The following MAPK14 variants were observed in gnomAD, a reference collection of about 807,000 sequenced individuals.
MAPK14 encodes the protein CSAID-binding protein.
MAPK14 carries 16 observed loss-of-function variants against 49.6 expected under a neutral mutation model. The ratio of observed to expected loss-of-function variants is 0.32; its 90% CI spans 0.22 to 0.49. The LOEUF (loss-of-function observed/expected upper bound fraction) is 0.49. MAPK14 is among the 20% of genes least tolerant of loss of function. The pLI is 0.99. For missense variants in MAPK14, 200 were observed against 441.2 expected, an observed-to-expected ratio of 0.45 and a Z score of 4.90; for synonymous variants, 142 against 158.0, an observed-to-expected ratio of 0.90 and a Z score of 0.76.
intron 1 of MAPK14, among the ~76,000 whole-genome samples, chr6:36,037,764 C>T (rs1762807461): frequency 6.6e-6 from 1 of 151,990 alleles, no homozygotes; most frequent in Non-Finnish European, 1.5e-5. Flanking sequence ...GGTAGGTTTC[C>T]TTGAGCCCAG....
chr6:36,081,702 A>G (rs1436496695), intron 8 of MAPK14, among the ~76,000 whole-genome samples: 1 of 152,204 alleles, frequency 6.6e-6, no homozygotes, highest in Non-Finnish European at 1.5e-5. Flanking sequence ...CTTCTTTTTC[A>G]AGATTGCTTT....
At chr6:36,099,980 G>C (rs1291650375) in intron 9 of MAPK14, among the ~76,000 whole-genome samples, 1 of 152,130 alleles carries the variant, frequency 6.6e-6, no homozygotes, top group Non-Finnish European at 1.5e-5. Flanking sequence ...TTTCTTATCT[G>C]CATGGCCAGT....
intron 3 of MAPK14, among the ~76,000 whole-genome samples, chr6:36,062,780 C>T (rs570064049): frequency 7.6e-4 from 115 of 151,750 alleles, no homozygotes; most frequent in Non-Finnish European, 1.3e-3. Context: ...ACCTCAGCCT[C>T]ACAAGTAGCT....
chr6:36,048,382 G>A (rs1210698950), intron 1 of MAPK14, among the ~76,000 whole-genome samples: 1 of 152,044 alleles, frequency 6.6e-6, no homozygotes, highest in East Asian at 1.9e-4. Context: ...TTGCTATGTT[G>A]CTCAGGCTGA....
chr6:36,032,685 G>T (rs998429680), intron 1 of MAPK14, among the ~76,000 whole-genome samples: 1 of 152,192 alleles, frequency 6.6e-6, no homozygotes, highest in Non-Finnish European at 1.5e-5. Flanking sequence ...CTAGGTTCTG[G>T]AAATAGAGTG....
chr6:36,112,207 A>G (rs1036131880), downstream of MAPK14, among the ~76,000 whole-genome samples: 1 of 120,522 alleles, frequency 8.3e-6, no homozygotes, highest in Non-Finnish European at 1.8e-5. Context: ...CTCCGTCTCA[A>G]AAAAAAAAAA....
chr6:36,104,155 C>G (rs1052115107), intron 10 of MAPK14, among the ~76,000 whole-genome samples: 1 of 152,162 alleles, frequency 6.6e-6, no homozygotes, highest in Non-Finnish European at 1.5e-5. Context: ...GCCTTGGAGA[C>G]AGAGAGTATG....
At chr6:36,068,777 G>T (rs1764159676) in intron 3 of MAPK14, among the ~76,000 whole-genome samples, 1 of 152,140 alleles carries the variant, frequency 6.6e-6, no homozygotes, top group Non-Finnish European at 1.5e-5. Flanking sequence ...TATTATCCAA[G>T]AAGTATAAAT....
chr6:36,064,916 C>G (rs1763984225), intron 3 of MAPK14, among the ~76,000 whole-genome samples: 1 of 152,200 alleles, frequency 6.6e-6, no homozygotes. Context: ...CTAACCTCAC[C>G]TAGTCCTCTT....
chr6:36,029,285 G>A (rs1354998923), intron 1 of MAPK14: 2 of 152,080 alleles, frequency 1.3e-5, no homozygotes, highest in African/African-American at 4.8e-5. Flanking sequence ...GTTTTCGTAA[G>A]GATATGGAAC....
chr6:36,059,891 C>T (rs576738644), intron 3 of MAPK14, among the ~76,000 whole-genome samples: 70 of 152,272 alleles, frequency 4.6e-4, no homozygotes, highest in African/African-American at 1.5e-3. Context: ...CCTCTTTTAT[C>T]GCCCATGCAT....
chr6:36,032,378 T>G (rs1762578157), intron 1 of MAPK14, among the ~76,000 whole-genome samples: 1 of 152,214 alleles, frequency 6.6e-6, no homozygotes, highest in South Asian at 2.1e-4. Context: ...AGGAACTTTA[T>G]GCATTGTCTG....
intron 8 of MAPK14, among the ~76,000 whole-genome samples, chr6:36,089,904 G>T (rs1315828596): frequency 6.6e-6 from 1 of 152,218 alleles, no homozygotes. Flanking sequence ...TTATAGCCCT[G>T]TTATGCATCA....
intron 1 of MAPK14, among the ~76,000 whole-genome samples, chr6:36,042,432 G>C (rs898157684): frequency 7.3e-5 from 11 of 150,600 alleles, no homozygotes; most frequent in Admixed American, 1.3e-4. Flanking sequence ...TTAGTTCCTT[G>C]AGGTCATAAA....
At chr6:36,114,610 C>A, downstream of MAPK14, among the ~76,000 whole-genome samples, 1 of 145,100 alleles carries the variant, frequency 6.9e-6, no homozygotes, top group Non-Finnish European at 1.5e-5. Context: ...AAGAGTGGAA[C>A]TCTGTTTAAA....
intron 8 of MAPK14, among the ~76,000 whole-genome samples, chr6:36,083,113 G>A (rs1435410746): frequency 1.3e-5 from 2 of 152,170 alleles, no homozygotes; most frequent in South Asian, 2.1e-4. Flanking sequence ...GAACGAAAAC[G>A]GTGAGTGAAT....
At chr6:36,106,732 T>G (rs1765808677) in intron 10 of MAPK14, among the ~76,000 whole-genome samples, 1 of 152,210 alleles carries the variant, frequency 6.6e-6, no homozygotes, top group East Asian at 1.9e-4. Context: ...TATCATAGTT[T>G]TTACTTTTCT....
intron 1 of MAPK14, among the ~76,000 whole-genome samples, chr6:36,038,545 C>T (rs993539587): frequency 9.2e-5 from 14 of 152,166 alleles, no homozygotes; most frequent in Non-Finnish European, 1.9e-4. Context: ...TTACTGTGCT[C>T]TAGGGTCCCA....
intron 3 of MAPK14, among the ~76,000 whole-genome samples, chr6:36,063,015 A>G (rs1763888358): frequency 6.6e-6 from 1 of 152,218 alleles, no homozygotes; most frequent in East Asian, 1.9e-4. Flanking sequence ...TTCGGTTAGC[A>G]CTTTTAATTT....
Sources: gnomAD v4.1 joint callset for allele counts (sites outside exome capture counted in the v4.1 genomes callset) on GRCh38, gnomAD v4.1.1 for gene constraint, MANE v1.5 for transcripts, NCBI Gene and HGNC (gene_info 2026-07-23, HGNC 2026-07-21) for gene names.